The following CNOT10 variants were observed in gnomAD, a reference collection of about 807,000 sequenced individuals.
The protein encoded by CNOT10 is CCR4-NOT transcription complex, subunit 10.
Under a neutral mutation model 94.6 loss-of-function variants are expected in CNOT10, and 30 were observed. That is an observed-to-expected ratio of 0.32 (90% CI 0.24 to 0.43). CNOT10 has a LOEUF of 0.43. Among genes scored for constraint, CNOT10 ranks in the 20% least tolerant of loss-of-function variants. CNOT10 has a pLI of 1.00. For synonymous variants in CNOT10, 289 were observed against 301.6 expected (o/e 0.96, Z 0.43); for missense variants, 759 against 877.2 (o/e 0.87, Z 1.70).
chr3:32,737,540 C>A, intron 13 of CNOT10, 50 bp downstream of exon 13: 1 of 1,216,204 alleles, frequency 8.2e-7, no homozygotes, highest in Non-Finnish European at 1.2e-6. Flanking sequence ...TGAACATATT[C>A]ATGGCTGGGC....
In CNOT10 at chr3:32,704,025, A is replaced by G. The variant is rs1697497050; in HGVS notation, c.117+63A>G. 27 of 997,664 alleles carry G rather than the reference A, an allele frequency of 2.7e-5. No individual in the cohort carries two copies. In the South Asian group the frequency reaches 4.4e-4, roughly 16 times the overall value. 61.8% of individuals were successfully genotyped at this position (997,664 alleles called of 1,614,324 possible). A position where few individuals can be genotyped will look rare whatever the true frequency, so the allele number is the denominator to read the frequency against. On this transcript the variant is annotated intron_variant, in intron 2 of 18. Coordinates refer to ENST00000328834, the MANE Select transcript of CNOT10 (RefSeq NM_015442.3). ...GGTTCTGTCAAGTATGAATCTTTTC[A>G]TAGTGAATTTTTAAATTTACAATTT...
intron 1 of CNOT10, among the ~76,000 whole-genome samples, chr3:32,701,136 G>A (rs970817536): frequency 6.4e-4 from 97 of 152,236 alleles, no homozygotes; most frequent in African/African-American, 2.2e-3. Context: ...TTAGCCAGGT[G>A]TGGCGGCAGG....
At position 32,763,564 on chromosome 3, in the gene CNOT10, C is replaced by T. The variant is rs535498805; in HGVS notation, c.1840+701C>T. Among the ~76,000 whole-genome samples the T allele has an allele frequency of 2.2e-3, 330 of 152,020 alleles. 1 individual carries two copies. The highest frequency in any genetic ancestry group is 2.3e-3 in the Non-Finnish European group (155 of 67,980). On this transcript the variant is annotated intron_variant, in intron 15 of 18. Coordinates refer to ENST00000328834, the MANE Select transcript of CNOT10 (RefSeq NM_015442.3). ...ACTCAGGAGGCTGAGACAGGAGAAT[C>T]GCTTGCACCTGAGAGGTGGAGGTTG...
At chr3:32,710,322 GT>G (rs1266679349) in intron 4 of CNOT10, among the ~76,000 whole-genome samples, 1 of 146,624 alleles carries the variant, frequency 6.8e-6, no homozygotes, top group Non-Finnish European at 1.5e-5. Context: ...TTTAAAGACT[GT>G]TTTTTTAGAG....
At chr3:32,698,909 G>A (rs954037253) in intron 1 of CNOT10, among the ~76,000 whole-genome samples, 11 of 152,072 alleles carry the variant, frequency 7.2e-5, no homozygotes, top group African/African-American at 2.7e-4. Flanking sequence ...CCTTCGCCTC[G>A]CTTGTAGCTG....
intron 10 of CNOT10, among the ~76,000 whole-genome samples, chr3:32,729,506 G>A (rs527304157): frequency 4.6e-5 from 7 of 152,148 alleles, no homozygotes; most frequent in Non-Finnish European, 1.0e-4. Flanking sequence ...GGTGATATAA[G>A]ATGTTGAGGC....
chr3:32,691,441 C>T (rs1485544132), intron 1 of CNOT10, among the ~76,000 whole-genome samples: 4 of 151,918 alleles, frequency 2.6e-5, no homozygotes, highest in African/African-American at 7.2e-5. Flanking sequence ...GATTAACAGA[C>T]GTGAGCCACT....
chr3:32,723,722 G>T (rs1486827943), intron 8 of CNOT10, among the ~76,000 whole-genome samples: 1 of 152,094 alleles, frequency 6.6e-6, no homozygotes, highest in East Asian at 1.9e-4. Flanking sequence ...AAACAGATGT[G>T]ACAGAAGGTT....
intron 8 of CNOT10, among the ~76,000 whole-genome samples, chr3:32,724,377 C>T (rs1409155774): frequency 2.7e-5 from 4 of 149,746 alleles, no homozygotes; most frequent in Non-Finnish European, 5.9e-5. Flanking sequence ...TCCCGAGTAA[C>T]TGGGATTACA....
chr3:32,738,665 T>C (rs2125587671), intron 13 of CNOT10, among the ~76,000 whole-genome samples: 1 of 152,124 alleles, frequency 6.6e-6, no homozygotes, highest in East Asian at 1.9e-4. Flanking sequence ...GGTTTCACCG[T>C]GTTAGCCAGG....
intron 1 of CNOT10, among the ~76,000 whole-genome samples, chr3:32,697,140 G>A (rs541205078): frequency 2.6e-5 from 4 of 151,924 alleles, no homozygotes; most frequent in East Asian, 3.9e-4. Context: ...TAGTAGAAAC[G>A]GGTTTCACCA....
intron 13 of CNOT10, chr3:32,753,860 G>A: frequency 1.4e-6 from 2 of 1,461,328 alleles, no homozygotes; most frequent in South Asian, 1.1e-5. Flanking sequence ...TAAAAGGAAA[G>A]TTGAAATCAA....
At chr3:32,741,601 A>G (rs898792532) in intron 13 of CNOT10, among the ~76,000 whole-genome samples, 1 of 151,870 alleles carries the variant, frequency 6.6e-6, no homozygotes, top group Non-Finnish European at 1.5e-5. Flanking sequence ...AACCCTGTCT[A>G]TACTAAAAAT....
At chr3:32,717,336 T>G (rs759878830) in intron 7 of CNOT10, 99 bp downstream of exon 7, 4 of 647,558 alleles carry the variant, frequency 6.2e-6, no homozygotes, top group Non-Finnish European at 1.1e-5. Context: ...CTTTTACATA[T>G]ACTGCCAGAT....
At chr3:32,727,633 C>A in intron 9 of CNOT10, 35 bp from the exon 10 acceptor site, 1 of 1,330,054 alleles carries the variant, frequency 7.5e-7, no homozygotes, top group Non-Finnish European at 1.1e-6. Context: ...TACTGTAAAT[C>A]TAATGATGTA....
intron 4 of CNOT10, among the ~76,000 whole-genome samples, chr3:32,711,870 T>C (rs533207811): frequency 6.6e-6 from 1 of 152,286 alleles, no homozygotes; most frequent in East Asian, 1.9e-4. Context: ...CTGTCTTAGG[T>C]GCAGTGAGAT....
rs146795766 is a variant in CNOT10 at position 32,707,917 on chromosome 3, G to A, written c.280-753G>A. On this transcript the variant is annotated intron_variant, in intron 3 of 18. Coordinates refer to ENST00000328834, the MANE Select transcript of CNOT10 (RefSeq NM_015442.3). ...TTTGTTTTGTTTGATACAGAGTCTC[G>A]CTGTGTTGTTCAGGCTAGAGTGCAG... 8.3e-3 allele frequency among the ~76,000 whole-genome samples: 1,262 copies of A among 152,230 alleles called. 6 individuals carry two copies. Among genetic ancestry groups the A allele is most frequent in the Non-Finnish European group, 0.012 (793 of 68,010 alleles).
intron 10 of CNOT10, among the ~76,000 whole-genome samples, chr3:32,728,872 G>A (rs986426758): frequency 2.0e-5 from 3 of 152,064 alleles, no homozygotes; most frequent in South Asian, 2.1e-4. Flanking sequence ...AGGCCGAGGC[G>A]GGTGGATCAC....
At chr3:32,750,554 T>C (rs1230025314) in intron 13 of CNOT10, among the ~76,000 whole-genome samples, 8 of 152,088 alleles carry the variant, frequency 5.3e-5, no homozygotes, top group Non-Finnish European at 7.4e-5. Context: ...ATTTCTTTTT[T>C]CTTTTTCTTT....
Sources: allele counts gnomAD v4.1 joint callset (sites outside exome capture counted in the v4.1 genomes callset), GRCh38; gene constraint gnomAD v4.1.1; transcripts MANE v1.5; gene names NCBI Gene and HGNC (gene_info 2026-07-23, HGNC 2026-07-21).